The following ESYT3 variants were observed in gnomAD, a reference collection of about 807,000 sequenced individuals.
ESYT3 encodes extended synaptotagmin-3.
A neutral mutation model predicts 111.5 loss-of-function variants in ESYT3; 101 were observed. The observed-to-expected ratio is 0.91, with a 90% CI of 0.77 to 1.07. The LOEUF (loss-of-function observed/expected upper bound fraction) is 1.07. Ranked by LOEUF, ESYT3 falls within the 50% of genes least tolerant of loss-of-function variation. The pLI, the probability that ESYT3 is intolerant of heterozygous loss-of-function variation, is 0.00. For missense variants in ESYT3, 1,097 were observed against 1,109.4 expected (o/e 0.99, Z 0.16); for synonymous variants, 416 against 446.8 (o/e 0.93, Z 0.87).
chr3:138,460,194 C>T (rs943442953), intron 6 of ESYT3, among the ~76,000 whole-genome samples, 160 bp downstream of exon 6: 1 of 152,290 alleles, frequency 6.6e-6, no homozygotes, highest in Non-Finnish European at 1.5e-5. Context: ...TAAGACAGCT[C>T]GAGTTAGACT....
Position 138,434,681 on chromosome 3 carries a change from G to T in ESYT3, c.-118G>T. 1 of 950,958 alleles carries T rather than the reference G, an allele frequency of 1.1e-6. No homozygotes were observed. The highest frequency in any genetic ancestry group is 1.8e-5 in the South Asian group (1 of 55,462). 58.9% of individuals were successfully genotyped at this position (950,958 alleles called of 1,614,324 possible). On this transcript the variant is annotated 5_prime_UTR_variant, in exon 1 of 23. Transcript: ENST00000389567. The stretch of plus-strand genomic sequence containing the variant: ...CTCGGCGCGCCGAGAGTCCCAGCAG[G>T]GCAAGGGGGCGCGGCGTCCTGGTCC...
rs759146531 is a variant in ESYT3, at chr3:138,472,433, T to A, written c.1811T>A (p.Leu604Gln). 6.2e-7 allele frequency: 1 copy of A among 1,614,182 alleles called. No individual in the cohort carries two copies. Among genetic ancestry groups the A allele is most frequent in the South Asian group, 1.1e-5 (1 of 91,088 alleles). Residue 604 changes from leucine (L) to glutamine (Q), a missense_variant, in exon 18 of 23, where the codon CTG becomes CAG. By Grantham distance (113) the Leu-to-Gln change is moderately radical (BLOSUM62 -2). Coordinates refer to ENST00000389567, the MANE Select transcript of ESYT3 (RefSeq NM_031913.5). The part of the protein sequence containing the change: ...TGPEALKKGP[L>Q]LIKKVATNQG... ...CCTGAAGCCCTAAAGAAAGGCCCTC[T>A]GCTCATCAAGAAAGTGGCTACCAAC...
chr3:138,446,458 A>G (rs1219896999), intron 1 of ESYT3, among the ~76,000 whole-genome samples: 1 of 152,288 alleles, frequency 6.6e-6, no homozygotes, highest in Non-Finnish European at 1.5e-5. Flanking sequence ...ACATGAACTC[A>G]AAACGGTTGA....
At chr3:138,458,391 T>C (rs2032417602) in intron 4 of ESYT3, among the ~76,000 whole-genome samples, 2 of 152,222 alleles carry the variant, frequency 1.3e-5, no homozygotes, top group South Asian at 4.1e-4. Context: ...CTTGTAGGAA[T>C]AGTCAGGGCA....
At position 138,472,789 on chromosome 3, in the gene ESYT3, C is replaced by T. The variant is rs1216597329; in HGVS notation, c.2167C>T (p.Pro723Ser). ...CGCATGGCCGCCCAAGAGGCTGGCT[C>T]CCAGCATGTCCTCGCTCAACTCCTT... ...PFAWPPKRLA[P>S]SMSSLNSLAS... The change falls in exon 18 of 23, where the codon CCC becomes TCC. Residue 723 changes from proline to serine, a missense_variant. By Grantham distance (74) the Pro-to-Ser change is moderately conservative. Transcript: ENST00000389567. 6 of 1,614,220 alleles carry T rather than the reference C, an allele frequency of 3.7e-6. No individual in the cohort carries two copies. The highest frequency in any genetic ancestry group is 5.1e-6 in the Non-Finnish European group (6 of 1,180,046).
chr3:138,460,133 TCCCAG>T, intron 6 of ESYT3, 99 bp downstream of exon 6: 1 of 1,068,534 alleles, frequency 9.4e-7, no homozygotes. Flanking sequence ...ATGGACATTG[TCCCAG>T]CCCACTGAGA....
chr3:138,481,647 T>G (rs1056562816), downstream of ESYT3: 1 of 151,162 alleles, frequency 6.6e-6, no homozygotes, highest in Admixed American at 6.6e-5. Flanking sequence ...ATTACAGGCA[T>G]GAGCCACCAC....
intron 20 of ESYT3, 106 bp downstream of exon 20, chr3:138,474,458 T>G (rs2033392244): frequency 7.8e-7 from 1 of 1,277,918 alleles, no homozygotes. Context: ...GGGCTATGGC[T>G]GAACAAGACA....
Position 138,435,945 on chromosome 3 carries a change from G to C in ESYT3, c.327+820G>C, listed in dbSNP as rs1334872925. Among the ~76,000 whole-genome samples the C allele has an allele frequency of 3.3e-5, 5 of 152,112 alleles. No individual in the cohort carries two copies. The highest frequency in any genetic ancestry group is 9.7e-5 in the African/African-American group (4 of 41,412). ...GGTTGGTCTGCGGCAAACCCTTACT[G>C]TCTCTCCGGTGCTGGGGCTCTTCGT... On this transcript the variant is annotated intron_variant, in intron 1 of 22. Coordinates refer to ENST00000389567, the MANE Select transcript of ESYT3 (RefSeq NM_031913.5). The surrounding 1 kb of genome is among the most constrained non-coding windows in gnomAD (Gnocchi z 4.8).
In ESYT3 at chr3:138,468,855, G is replaced by A. The variant is rs1390382337; in HGVS notation, c.1408G>A (p.Ala470Thr). ...TGACTACCTGAATGGTGAATATCGAGCCAAAAAACTCTCCAGGTTTGCCAG... is the reference window on the plus strand; with the variant it reads ...TGACTACCTGAATGGTGAATATCGAACCAAAAAACTCTCCAGGTTTGCCAG... ...PFDYLNGEYR[A>T]KKLSRFARNK... is the part of the protein sequence containing the mutation. Residue 470 changes from alanine (A) to threonine (T), a missense_variant, in exon 14 of 23, where the codon GCC (alanine) becomes ACC (threonine). Ala to Thr is a moderately conservative substitution (Grantham distance 58, BLOSUM62 0). Transcript: ENST00000389567. 1 of 1,614,162 alleles carries A rather than the reference G, an allele frequency of 6.2e-7. No individual in the cohort carries two copies. The highest frequency in any genetic ancestry group is 8.5e-7 in the Non-Finnish European group (1 of 1,180,026).
chr3:138,460,083 C>T, intron 6 of ESYT3, 49 bp downstream of exon 6: 1 of 1,519,188 alleles, frequency 6.6e-7, no homozygotes, highest in Non-Finnish European at 9.1e-7. Flanking sequence ...GGAGTAGGCA[C>T]TGGTCTGCTG....
chr3:138,476,295 A>G lies in ESYT3; in HGVS notation c.2541A>G (p.Pro847=). The change falls in exon 21 of 23, where the codon CCA becomes CCG. Residue 847 remains proline, a synonymous_variant. Coordinates refer to ENST00000389567, the MANE Select transcript of ESYT3 (RefSeq NM_031913.5). The part of the protein sequence containing the change: ...SLDVAVKNSR[P]LGSHRRKELG... ...ATGTTGCAGTGAAAAATAGTAGGCC[A>G]CTTGGCTCACACAGAAGAAAGGAGT... 1 of 1,613,916 alleles carries G rather than the reference A, an allele frequency of 6.2e-7. No individual in the cohort carries two copies. The highest frequency in any genetic ancestry group is 8.5e-7 in the Non-Finnish European group (1 of 1,179,796).
At chr3:138,457,522 C>T (rs114180322) in intron 3 of ESYT3, 46 bp from the exon 4 acceptor site, 29,707 of 1,586,672 alleles carry the variant, frequency 0.019, 351 homozygotes, top group Middle Eastern at 0.028. Context: ...CAGCTGTCCC[C>T]TGCTACAAGA....
intron 18 of ESYT3, chr3:138,473,331 G>T: frequency 1.6e-6 from 1 of 627,268 alleles, no homozygotes; most frequent in Non-Finnish European, 2.5e-6. Context: ...CCACTTCAGG[G>T]TTCCCGTTCT....
Position 138,459,173 on chromosome 3 carries a change from A to AC in ESYT3, c.582-8dup. Reference sequence around the variant, plus strand: ...CCCCTCCTCCCCACCTTCCTTTTCCACCCCCCATTTCAGCTACATCGGGGA... The same window carrying AC: ...CCCCTCCTCCCCACCTTCCTTTTCCACCCCCCCATTTCAGCTACATCGGGGA... On this transcript the variant is annotated splice_polypyrimidine_tract_variant and intron_variant, in intron 4 of 22. Transcript: ENST00000389567. 2 of 1,480,664 alleles carry AC rather than the reference A, an allele frequency of 1.4e-6. No individual in the cohort carries two copies. The highest frequency in any genetic ancestry group is 2.0e-5 in the Admixed American group (1 of 48,922). The allele number at this position is 1,480,664 out of a possible 1,614,324, so 91.7% of individuals were successfully genotyped here. A position where few individuals can be genotyped will look rare whatever the true frequency, so the allele number is the denominator to read the frequency against.
intron 1 of ESYT3, among the ~76,000 whole-genome samples, chr3:138,439,190 G>T (rs1004862552): frequency 1.3e-5 from 2 of 152,224 alleles, no homozygotes; most frequent in African/African-American, 4.8e-5. Context: ...CGAATGCCCA[G>T]TGGGGGCTGT....
At chr3:138,458,820 G>A (rs1189324745) in intron 4 of ESYT3, among the ~76,000 whole-genome samples, 1 of 152,190 alleles carries the variant, frequency 6.6e-6, no homozygotes, top group Admixed American at 6.5e-5. Context: ...GGGACAGCAG[G>A]GGTGGAAAAG....
intron 4 of ESYT3, among the ~76,000 whole-genome samples, chr3:138,458,431 C>T (rs1465391006): frequency 6.6e-6 from 1 of 152,352 alleles, no homozygotes; most frequent in East Asian, 1.9e-4. Context: ...ACTCAGCTGC[C>T]CAGGCAGCCC....
At chr3:138,450,708 C>T (rs1368172093) in intron 1 of ESYT3, among the ~76,000 whole-genome samples, 3 of 152,222 alleles carry the variant, frequency 2.0e-5, no homozygotes, top group African/African-American at 4.8e-5. Flanking sequence ...TTGGGAATGG[C>T]TGTGATCCTG....
Sources: gnomAD v4.1 joint callset for allele counts (sites outside exome capture counted in the v4.1 genomes callset) on GRCh38, gnomAD v4.1.1 for gene constraint, Gnocchi (gnomAD v3.1) non-coding constraint, MANE v1.5 for transcripts, NCBI Gene and HGNC (gene_info 2026-07-23, HGNC 2026-07-21) for gene names.